COBLL1: variants seen among roughly 807,000 people sequenced by gnomAD.
The protein encoded by COBLL1 is cordon-bleu WH2 repeat protein like 1.
In COBLL1, 50 loss-of-function variants were observed where a neutral mutation model predicts 94.8. That is an observed-to-expected ratio of 0.53 (90% CI 0.42 to 0.67). The LOEUF (loss-of-function observed/expected upper bound fraction) is 0.67, where lower values mean the gene tolerates loss of function less well. COBLL1 is among the 30% of genes least tolerant of loss of function. The pLI is 0.00. For synonymous variants in COBLL1, 448 were observed against 473.8 expected, an observed-to-expected ratio of 0.95 and a Z score of 0.71; for missense variants, 1,362 against 1,348.7, an observed-to-expected ratio of 1.01 and a Z score of -0.15.
At chr2:164,744,552 TG>T (rs554539243) in intron 2 of COBLL1, among the ~76,000 whole-genome samples, 25 of 152,164 alleles carry the variant, frequency 1.6e-4, no homozygotes, top group Non-Finnish European at 2.8e-4. Flanking sequence ...CCAGATGTGG[TG>T]GCACACAGCA....
chr2:164,835,238 A>T (rs1683265744), intron 2 of COBLL1, among the ~76,000 whole-genome samples: 1 of 152,232 alleles, frequency 6.6e-6, no homozygotes, highest in Non-Finnish European at 1.5e-5. Context: ...CAACAGCACT[A>T]TTCACAATAA....
chr2:164,762,424 C>A (rs1687728068), intron 2 of COBLL1, among the ~76,000 whole-genome samples: 1 of 152,186 alleles, frequency 6.6e-6, no homozygotes, highest in Non-Finnish European at 1.5e-5. Context: ...TATACAGTGT[C>A]CTGAACTAAC....
rs182366920 is a variant in COBLL1 at position 164,777,785 on chromosome 2, C to T, written c.42-33910G>A. On this transcript the variant is annotated intron_variant, in intron 2 of 13. Coordinates refer to ENST00000652658, the MANE Select transcript of COBLL1 (RefSeq NM_001365672.2). ...AAACTGGCATAGGGGTACCTGCAGC[C>T]AGCTGGAGAAAAGGCTAGCAATAGT... Among the ~76,000 whole-genome samples, 399 of 152,268 alleles carry T rather than the reference C, an allele frequency of 2.6e-3. 3 individuals are homozygous for T. Among genetic ancestry groups the T allele is most frequent in the African/African-American group, 9.3e-3 (386 of 41,550 alleles).
rs769725618 is a variant in COBLL1 at position 164,692,296 on chromosome 2, G to C, written c.3225C>G (p.Ser1075Arg). 6.2e-7 allele frequency: 1 copy of C among 1,613,656 alleles called. No individual in the cohort carries two copies. The highest frequency in any genetic ancestry group is 1.7e-5 in the Admixed American group (1 of 59,968). ...VMRQSSLTFQ[S>R]SDPEQMRQSL... The stretch of plus-strand genomic sequence containing the variant: ...TCTGTCGCATCTGTTCTGGGTCAGA[G>C]CTTTGGAATGTTAAAGAACTTTGTC... Residue 1075 changes from serine (S) to arginine (R), a missense_variant, in exon 13 of 14, where the codon AGC becomes AGG. Physicochemically the swap from Ser to Arg is moderately radical, Grantham distance 110 (BLOSUM62 -1). Transcript: ENST00000652658.
chr2:164,772,323 T>C (rs570996176), intron 2 of COBLL1, among the ~76,000 whole-genome samples: 55 of 152,066 alleles, frequency 3.6e-4, no homozygotes, highest in Non-Finnish European at 7.2e-4. Flanking sequence ...TATTTATTTT[T>C]ATAGGAAATT....
chr2:164,658,008 C>T (rs935344979), intron 2 of COBLL1, among the ~76,000 whole-genome samples: 3 of 151,888 alleles, frequency 2.0e-5, no homozygotes, highest in Non-Finnish European at 4.4e-5. Context: ...GGCTTGAATG[C>T]CTGGGTTTAT....
intron 3 of COBLL1, among the ~76,000 whole-genome samples, chr2:164,734,336 C>T (rs1180701023): frequency 6.6e-6 from 1 of 151,950 alleles, no homozygotes; most frequent in Non-Finnish European, 1.5e-5. Flanking sequence ...GTACAAAAAC[C>T]CTGAGGCAGG....
At chr2:164,821,137 T>C (rs1415167454) in intron 2 of COBLL1, among the ~76,000 whole-genome samples, 1 of 152,108 alleles carries the variant, frequency 6.6e-6, no homozygotes, top group Non-Finnish European at 1.5e-5. Context: ...TCCACTCGCC[T>C]CCACCTCCCA....
rs1403016901 is a variant in COBLL1, at chr2:164,770,075, AGTT to A, written c.42-26203_42-26201del. Among the ~76,000 whole-genome samples, 10 of 152,314 alleles carry A rather than the reference AGTT, an allele frequency of 6.6e-5. No homozygotes were observed. In the East Asian group the frequency reaches 1.7e-3, roughly 26 times the overall value. On this transcript the variant is annotated intron_variant, in intron 2 of 13. Coordinates refer to ENST00000652658, the MANE Select transcript of COBLL1 (RefSeq NM_001365672.2). Reference sequence around the variant, plus strand: ...AACTAATTATTACCACAACACTGTGAGTTGTTGTTTTGTAATTTACAGGACAAA... The same window carrying A: ...AACTAATTATTACCACAACACTGTGAGTTGTTTTGTAATTTACAGGACAAA...
chr2:164,828,579 T>A (rs1027986695), intron 2 of COBLL1, among the ~76,000 whole-genome samples: 1 of 152,072 alleles, frequency 6.6e-6, no homozygotes, highest in Non-Finnish European at 1.5e-5. Flanking sequence ...TCACTGTGTA[T>A]AAAAAAGGGA....
At chr2:164,824,286 C>T (rs867508587) in intron 2 of COBLL1, among the ~76,000 whole-genome samples, 3 of 151,332 alleles carry the variant, frequency 2.0e-5, no homozygotes, top group South Asian at 2.1e-4. Context: ...GAGGCTGAGA[C>T]GGGAGAATTG....
chr2:164,691,233 T>C (rs1424619023), intron 13 of COBLL1, among the ~76,000 whole-genome samples: 1 of 152,170 alleles, frequency 6.6e-6, no homozygotes, highest in African/African-American at 2.4e-5. Flanking sequence ...TTGGCCAATG[T>C]TGATATGGTT....
At chr2:164,755,804 G>A (rs1216550417) in intron 2 of COBLL1, among the ~76,000 whole-genome samples, 1 of 152,104 alleles carries the variant, frequency 6.6e-6, no homozygotes, top group Non-Finnish European at 1.5e-5. Context: ...TTAAATTCAT[G>A]TAAACAAATG....
intron 1 of COBLL1, among the ~76,000 whole-genome samples, chr2:164,667,639 T>G (rs2105385591): frequency 6.6e-6 from 1 of 152,352 alleles, no homozygotes; most frequent in South Asian, 2.1e-4. Context: ...CAGCTTCTTT[T>G]GTTAAACCTT....
intron 5 of COBLL1, among the ~76,000 whole-genome samples, chr2:164,727,724 G>C (rs1000227642): frequency 2.7e-5 from 4 of 150,406 alleles, no homozygotes; most frequent in African/African-American, 9.7e-5. Flanking sequence ...TATAAATTGT[G>C]GATGATGGCT....
intron 2 of COBLL1, among the ~76,000 whole-genome samples, chr2:164,805,344 T>TAAATATATATATATATATAA (rs1684078627): frequency 3.0e-5 from 3 of 100,544 alleles, no homozygotes; most frequent in African/African-American, 1.2e-4. Flanking sequence ...TCTCTATATA[T>TAAATATATATATATATATAA]ATATATATAT....
chr2:164,836,959 C>T (rs1244624191), intron 2 of COBLL1, among the ~76,000 whole-genome samples: 3 of 152,198 alleles, frequency 2.0e-5, no homozygotes, highest in Non-Finnish European at 4.4e-5. Context: ...ATGTTGAAAC[C>T]TCAGAGAAGT....
chr2:164,786,464 G>A (rs986147952), intron 2 of COBLL1, among the ~76,000 whole-genome samples: 3 of 152,172 alleles, frequency 2.0e-5, no homozygotes, highest in Admixed American at 2.0e-4. Flanking sequence ...GTAGAACTGA[G>A]ACATTTCTGG....
At chr2:164,781,554 T>G (rs993411436) in intron 2 of COBLL1, among the ~76,000 whole-genome samples, 6 of 152,150 alleles carry the variant, frequency 3.9e-5, no homozygotes, top group African/African-American at 1.4e-4. Context: ...CAGACACATA[T>G]CTTTATGGAT....
Sources: gnomAD v4.1 joint callset for allele counts (sites outside exome capture counted in the v4.1 genomes callset) on GRCh38, gnomAD v4.1.1 for gene constraint, MANE v1.5 for transcripts, NCBI Gene and HGNC (gene_info 2026-07-23, HGNC 2026-07-21) for gene names.